The following MALT1 variants were observed in gnomAD, a reference collection of about 807,000 sequenced individuals.
The protein encoded by MALT1 is MALT1 paracaspase, also known as mucosa-associated lymphoid tissue lymphoma translocation protein 1.
MALT1 carries 36 observed loss-of-function variants against 85.5 expected under a neutral mutation model. The ratio of observed to expected loss-of-function variants is 0.42; its 90% CI spans 0.32 to 0.56. MALT1 has a LOEUF of 0.56. Ranked by LOEUF, MALT1 falls within the 20% of genes least tolerant of loss-of-function variation. The probability of loss-of-function intolerance (pLI) is 0.10; values close to 1 mark genes in which losing one functional copy is unlikely to be tolerated. For synonymous variants in MALT1, 359 were observed against 361.3 expected (o/e 0.99, Z 0.07); for missense variants, 716 against 981.6 (o/e 0.73, Z 3.62).
intron 10 of MALT1, among the ~76,000 whole-genome samples, chr18:58,727,631 T>TG (rs1319552352): frequency 2.7e-5 from 4 of 149,522 alleles, no homozygotes; most frequent in African/African-American, 9.9e-5. Context: ...TTTTTTTGTT[T>TG]TTTTTTTTTT....
At chr18:58,674,532 C>T (rs2054212599) in intron 1 of MALT1, among the ~76,000 whole-genome samples, 1 of 152,080 alleles carries the variant, frequency 6.6e-6, no homozygotes, top group African/African-American at 2.4e-5. Flanking sequence ...AAGCTCATCC[C>T]TATGGAGATC....
chr18:58,729,067 T>TAATTTAATGCAATTCAGTAAG (rs1178989327), intron 10 of MALT1, among the ~76,000 whole-genome samples: 8 of 152,264 alleles, frequency 5.3e-5, no homozygotes, highest in African/African-American at 1.9e-4. Flanking sequence ...TTTGCATTGT[T>TAATTTAATGCAATTCAGTAAG]AATTTAATGC....
intron 9 of MALT1, among the ~76,000 whole-genome samples, chr18:58,721,368 G>A (rs926968860): frequency 1.3e-5 from 2 of 152,120 alleles, no homozygotes; most frequent in African/African-American, 4.8e-5. Context: ...CAACAAGAGC[G>A]AAACTCCGTC....
intron 2 of MALT1, among the ~76,000 whole-genome samples, chr18:58,686,151 T>G (rs1246420612): frequency 3.3e-5 from 5 of 152,108 alleles, no homozygotes; most frequent in African/African-American, 4.8e-5. Flanking sequence ...CTCAGTCTCC[T>G]GAGTAGCTGG....
rs187644407 is a variant in MALT1, at chr18:58,749,213, T to G, written c.*1371T>G. ...ACTGAATTAAATATGGAACAACTGC[T>G]TTTAGGAGAAAGTGTATTTGTGTAT... On this transcript the variant is annotated 3_prime_UTR_variant, in exon 17 of 17. Transcript: ENST00000649217. The G allele has an allele frequency of 4.6e-6, 1 of 216,714 alleles. No homozygotes were observed. Among genetic ancestry groups the G allele is most frequent in the Non-Finnish European group, 9.3e-6 (1 of 107,862 alleles). 13.4% of individuals were successfully genotyped at this position (216,714 alleles called of 1,614,324 possible). A position where few individuals can be genotyped will look rare whatever the true frequency, so the allele number is the denominator to read the frequency against.
At chr18:58,703,403 A>G (rs1336148326) in intron 4 of MALT1, among the ~76,000 whole-genome samples, 6 of 152,242 alleles carry the variant, frequency 3.9e-5, no homozygotes, top group African/African-American at 1.4e-4. Context: ...AAAATACCTC[A>G]TGCACCTCTG....
intron 5 of MALT1, 152 bp downstream of exon 5, chr18:58,709,708 A>G (rs1379941738): frequency 8.3e-6 from 6 of 726,020 alleles, no homozygotes; most frequent in Non-Finnish European, 1.3e-5. Context: ...TTTCATATTA[A>G]CTAGCTCTTA....
chr18:58,699,971 A>C (rs2054648033), intron 3 of MALT1, among the ~76,000 whole-genome samples: 1 of 152,236 alleles, frequency 6.6e-6, no homozygotes, highest in African/African-American at 2.4e-5. Context: ...TGCAGATCAG[A>C]AGGTCCGGGG....
chr18:58,720,028 T>A (rs75565598), intron 9 of MALT1, among the ~76,000 whole-genome samples: 1 of 152,162 alleles, frequency 6.6e-6, no homozygotes, highest in African/African-American at 2.4e-5. Context: ...TTTTGAAGAA[T>A]ATATTACATT....
intron 4 of MALT1, among the ~76,000 whole-genome samples, chr18:58,705,034 C>T (rs934019419): frequency 6.6e-6 from 1 of 152,092 alleles, no homozygotes; most frequent in Non-Finnish European, 1.5e-5. Flanking sequence ...TGTGAGCCAC[C>T]GCGCCCGGCC....
chr18:58,712,056 G>C (rs936184463), intron 7 of MALT1, among the ~76,000 whole-genome samples: 11 of 152,122 alleles, frequency 7.2e-5, no homozygotes, highest in Non-Finnish European at 1.6e-4. Flanking sequence ...TGATGCATGT[G>C]AATTATCACC....
intron 1 of MALT1, 43 bp downstream of exon 1, chr18:58,671,895 G>GGGTGGGCTGC (rs1453244483): frequency 2.4e-4 from 290 of 1,200,522 alleles, no homozygotes; most frequent in Non-Finnish European, 2.8e-4. Context: ...GGGTCGAGCG[G>GGGTGGGCTGC]GGTGGGCTGC....
At chr18:58,673,726 G>T (rs1377286088) in intron 1 of MALT1, among the ~76,000 whole-genome samples, 1 of 152,152 alleles carries the variant, frequency 6.6e-6, no homozygotes, top group African/African-American at 2.4e-5. Flanking sequence ...TGGGATTACA[G>T]GCATGAGCTA....
chr18:58,672,066 T>G (rs1369296138), intron 1 of MALT1: 3 of 356,488 alleles, frequency 8.4e-6, no homozygotes, highest in Non-Finnish European at 1.5e-5. Context: ...CTCTGGAGGG[T>G]GGAGGCAAAA....
intron 4 of MALT1, among the ~76,000 whole-genome samples, chr18:58,701,318 T>C (rs2054669302): frequency 6.6e-6 from 1 of 152,180 alleles, no homozygotes; most frequent in African/African-American, 2.4e-5. Context: ...CGAAATGTCT[T>C]GCATATTCAC....
intron 14 of MALT1, among the ~76,000 whole-genome samples, chr18:58,742,869 C>T (rs763596133): frequency 3.3e-5 from 5 of 152,168 alleles, no homozygotes; most frequent in Non-Finnish European, 5.9e-5. Context: ...GTTGAGTGAT[C>T]AGCAGAGAAG....
intron 1 of MALT1, among the ~76,000 whole-genome samples, chr18:58,679,662 T>C (rs1365900797): frequency 6.6e-6 from 1 of 152,186 alleles, no homozygotes. Flanking sequence ...CAAGCGATTC[T>C]TGTGCCTCCT....
At position 58,749,510 on chromosome 18, in the gene MALT1, C is replaced by A. The variant is rs141273956; in HGVS notation, c.*1668C>A. On this transcript the variant is annotated 3_prime_UTR_variant, in exon 17 of 17. Coordinates refer to ENST00000649217, the MANE Select transcript of MALT1 (RefSeq NM_006785.4). Reference sequence around the variant, plus strand: ...ATGAGACTGAAGCAGGAAGGCAGAGCATCATCTTGTTCAGCCTCAGCTGGG... The same window carrying A: ...ATGAGACTGAAGCAGGAAGGCAGAGAATCATCTTGTTCAGCCTCAGCTGGG... The A allele has an allele frequency of 7.5e-4, 162 of 216,314 alleles. No individual in the cohort carries two copies. The highest frequency in any genetic ancestry group is 3.4e-3 in the African/African-American group (151 of 44,514). The allele number at this position is 216,314 out of a possible 1,614,324, so 13.4% of individuals were successfully genotyped here.
At chr18:58,689,520 T>G (rs906765261) in intron 2 of MALT1, among the ~76,000 whole-genome samples, 14 of 152,196 alleles carry the variant, frequency 9.2e-5, no homozygotes, top group Admixed American at 4.6e-4. Flanking sequence ...GTGCCATATG[T>G]GGGCACAATT....
Sources: allele counts gnomAD v4.1 joint callset (sites outside exome capture counted in the v4.1 genomes callset), GRCh38; gene constraint gnomAD v4.1.1; transcripts MANE v1.5; gene names NCBI Gene and HGNC (gene_info 2026-07-23, HGNC 2026-07-21).